The following TCERG1 variants were observed in gnomAD, a reference collection of about 807,000 sequenced individuals.
TCERG1 encodes TATA box binding protein (TBP)-associated factor, RNA polymerase II, S, 150kD.
In TCERG1, 37 loss-of-function variants were observed where a neutral mutation model predicts 144.7. The observed-to-expected ratio is 0.26, with a 90% CI of 0.20 to 0.34. The LOEUF (loss-of-function observed/expected upper bound fraction) is 0.34, where lower values mean the gene tolerates loss of function less well. TCERG1 is among the 10% of genes least tolerant of loss of function. The probability of loss-of-function intolerance (pLI) is 1.00; values close to 1 mark genes in which losing one functional copy is unlikely to be tolerated. For missense variants in TCERG1, 1,027 were observed against 1,380.7 expected, an observed-to-expected ratio of 0.74 and a Z score of 4.06; for synonymous variants, 492 against 458.2, an observed-to-expected ratio of 1.07 and a Z score of -0.94.
At chr5:146,502,707 C>T (rs1212219391) in intron 17 of TCERG1, among the ~76,000 whole-genome samples, 1 of 152,012 alleles carries the variant, frequency 6.6e-6, no homozygotes, top group African/African-American at 2.4e-5. Context: ...ATGTTTAATG[C>T]TAAAAAGTGT....
intron 15 of TCERG1, among the ~76,000 whole-genome samples, chr5:146,489,163 G>A (rs1228378995): frequency 6.6e-6 from 1 of 152,134 alleles, no homozygotes; most frequent in Non-Finnish European, 1.5e-5. Context: ...GTTAACAATA[G>A]TAAGTAGTTT....
At chr5:146,506,306 G>T (rs953020519) in intron 19 of TCERG1, among the ~76,000 whole-genome samples, 1 of 152,170 alleles carries the variant, frequency 6.6e-6, no homozygotes, top group East Asian at 1.9e-4. Context: ...CACCAATGAA[G>T]CATATCTTTT....
At chr5:146,492,752 C>T (rs1395874079) in intron 15 of TCERG1, 168 bp from the exon 16 acceptor site, 1 of 471,214 alleles carries the variant, frequency 2.1e-6, no homozygotes, top group East Asian at 3.9e-5. Flanking sequence ...TGTGTAATAT[C>T]TCAGTGAAGC....
intron 16 of TCERG1, among the ~76,000 whole-genome samples, chr5:146,494,846 A>C (rs1368271078): frequency 6.6e-6 from 1 of 152,254 alleles, no homozygotes; most frequent in South Asian, 2.1e-4. Flanking sequence ...TACCTCCCAC[A>C]GTCAGTTTCT....
At chr5:146,471,895 C>T (rs541140344) in intron 9 of TCERG1, among the ~76,000 whole-genome samples, 62 of 152,228 alleles carry the variant, frequency 4.1e-4, no homozygotes, top group African/African-American at 1.4e-3. Context: ...CCGTGCCCGG[C>T]CTCAAGTAGT....
rs767330078 is a variant in TCERG1 at position 146,507,989 on chromosome 5, G to T, written c.3045+33G>T. ...GATTTTGTGTCGAGATTTACTGTCA[G>T]TCTATAAATACTTAAATCGGGGCCT... On this transcript the variant is annotated intron_variant, in intron 21 of 22. Transcript: ENST00000679501. This position sits in a 1 kb window ranked among gnomAD's most constrained non-coding sequence, Gnocchi z 4.6. 2.6e-6 allele frequency: 4 copies of T among 1,513,638 alleles called. No individual in the cohort carries two copies. In the African/African-American group the frequency reaches 5.5e-5, roughly 21 times the overall value. The allele number at this position is 1,513,638 out of a possible 1,614,324, so 93.8% of individuals were successfully genotyped here.
intron 15 of TCERG1, among the ~76,000 whole-genome samples, chr5:146,491,359 C>T (rs1322930597): frequency 6.6e-6 from 1 of 151,820 alleles, no homozygotes; most frequent in Non-Finnish European, 1.5e-5. Context: ...TTCTCAACCA[C>T]GAGTAGTTTT....
chr5:146,495,370 T>C (rs570716624), intron 16 of TCERG1, among the ~76,000 whole-genome samples: 38 of 152,346 alleles, frequency 2.5e-4, no homozygotes, highest in African/African-American at 8.7e-4. Flanking sequence ...CTGTAGTTGC[T>C]TTTTCTATCT....
intron 16 of TCERG1, 45 bp downstream of exon 16, chr5:146,493,083 TC>T: frequency 7.7e-7 from 1 of 1,306,328 alleles, no homozygotes; most frequent in African/African-American, 1.5e-5. Flanking sequence ...ATTTATTTTC[TC>T]CTAAGATCAG....
chr5:146,480,027 G>T lies in TCERG1; in HGVS notation c.1820-1G>T. On this transcript the variant is annotated splice_acceptor_variant, in intron 11 of 22. Coordinates refer to ENST00000679501, the MANE Select transcript of TCERG1 (RefSeq NM_001382548.1). LOFTEE classifies it high-confidence loss of function. ...TATTTTAATTAAATTTTGTCTTATA[G>T]TTAAAGAGGAACAAGAATTAATGGA... 6.3e-7 allele frequency: 1 copy of T among 1,598,582 alleles called. No homozygotes were observed. The highest frequency in any genetic ancestry group is 8.5e-7 in the Non-Finnish European group (1 of 1,173,022).
chr5:146,496,256 T>G (rs1025682490), intron 16 of TCERG1, among the ~76,000 whole-genome samples: 3 of 152,198 alleles, frequency 2.0e-5, no homozygotes, highest in African/African-American at 7.2e-5. Flanking sequence ...CTGTTTGGAG[T>G]TTGCTGAGCT....
chr5:146,458,139 C>A (rs1394034128), intron 3 of TCERG1, among the ~76,000 whole-genome samples: 1 of 152,106 alleles, frequency 6.6e-6, no homozygotes, highest in East Asian at 1.9e-4. Flanking sequence ...GCGTGAGCCA[C>A]TGTGCCTGGC....
At chr5:146,498,747 C>G in intron 17 of TCERG1, 61 bp downstream of exon 17, 1 of 1,526,326 alleles carries the variant, frequency 6.6e-7, no homozygotes. Flanking sequence ...AAGGTCTATG[C>G]TGGTGTTATG....
At chr5:146,503,076 T>C (rs1189268214) in intron 17 of TCERG1, 1 of 160,148 alleles carries the variant, frequency 6.2e-6, no homozygotes, top group Non-Finnish European at 1.4e-5. Context: ...TCTAAAGTTA[T>C]CAACAATCTG....
chr5:146,454,577 T>TG (rs1762659452), intron 1 of TCERG1, among the ~76,000 whole-genome samples: 1 of 152,090 alleles, frequency 6.6e-6, no homozygotes, highest in African/African-American at 2.4e-5. Flanking sequence ...AAGTTTTTTT[T>TG]TTTGTTTTTT....
chr5:146,487,397 A>T (rs1765942591), intron 15 of TCERG1, among the ~76,000 whole-genome samples: 1 of 152,148 alleles, frequency 6.6e-6, no homozygotes, highest in Non-Finnish European at 1.5e-5. Context: ...CAATCTACAG[A>T]TTCAGTGCAA....
At chr5:146,503,612 T>C (rs1767681202) in intron 18 of TCERG1, 73 bp downstream of exon 18, 1 of 1,532,132 alleles carries the variant, frequency 6.5e-7, no homozygotes, top group Non-Finnish European at 8.8e-7. Flanking sequence ...TATGTTGTTG[T>C]TGGGGATTTT....
At chr5:146,495,425 A>G (rs1002660753) in intron 16 of TCERG1, among the ~76,000 whole-genome samples, 2 of 152,222 alleles carry the variant, frequency 1.3e-5, no homozygotes, top group South Asian at 2.1e-4. Context: ...AAAATAAAAC[A>G]TTTAATGGAC....
chr5:146,463,340 C>CTA (rs1763501912), intron 4 of TCERG1, among the ~76,000 whole-genome samples: 1 of 152,088 alleles, frequency 6.6e-6, no homozygotes, highest in Admixed American at 6.5e-5. Flanking sequence ...ATTTTTACTC[C>CTA]TATATGTTTA....
Sources: allele counts gnomAD v4.1 joint callset (sites outside exome capture counted in the v4.1 genomes callset), GRCh38; gene constraint gnomAD v4.1.1; non-coding constraint Gnocchi (gnomAD v3.1); transcripts MANE v1.5; gene names NCBI Gene and HGNC (gene_info 2026-07-23, HGNC 2026-07-21).